The following PLOD2 variants were observed in gnomAD, a reference collection of about 807,000 sequenced individuals.
PLOD2 encodes the protein procollagen-lysine,2-oxoglutarate 5-dioxygenase 2, also known as lysine hydroxylase 2.
PLOD2 carries 65 observed loss-of-function variants against 101.0 expected under a neutral mutation model. The ratio of observed to expected loss-of-function variants is 0.64; its 90% CI spans 0.53 to 0.79. PLOD2 has a LOEUF of 0.79. Among genes scored for constraint, PLOD2 ranks in the 30% least tolerant of loss-of-function variants. PLOD2 has a pLI of 0.00. For synonymous variants in PLOD2, 314 were observed against 302.9 expected, an observed-to-expected ratio of 1.04 and a Z score of -0.38; for missense variants, 909 against 914.6, an observed-to-expected ratio of 0.99 and a Z score of 0.08.
At chr3:146,096,657 C>T (rs1175832481) in intron 7 of PLOD2, among the ~76,000 whole-genome samples, 26 of 124,376 alleles carry the variant, frequency 2.1e-4, no homozygotes, top group African/African-American at 7.4e-4. Flanking sequence ...GCAACCGCCC[C>T]GTCTGAGAAG....
rs1436424588 is a variant in PLOD2, at chr3:146,079,258, C to T, written c.1359-1G>A. 5.0e-6 allele frequency: 8 copies of T among 1,602,372 alleles called. No individual in the cohort carries two copies. Among genetic ancestry groups the T allele is most frequent in the African/African-American group, 1.3e-5 (1 of 74,786 alleles). ...CATATATGGGACATTCCATACTCCTCTGAAAGTAAAGAGAAGACATTCTTA... is the reference window on the plus strand; with the variant it reads ...CATATATGGGACATTCCATACTCCTTTGAAAGTAAAGAGAAGACATTCTTA... On this transcript the variant is annotated splice_acceptor_variant, in intron 12 of 19. Transcript: ENST00000282903. LOFTEE classifies it high-confidence loss of function.
chr3:146,132,296 T>A (rs1301715470), intron 1 of PLOD2, among the ~76,000 whole-genome samples: 2 of 152,166 alleles, frequency 1.3e-5, no homozygotes, highest in African/African-American at 4.8e-5. Context: ...TAGCAGTATG[T>A]GCAGTGGGAT....
chr3:146,103,460 A>ATT lies in PLOD2; in HGVS notation c.680-610_680-609dup, dbSNP rs754846765. Among the ~76,000 whole-genome samples, 70 of 141,626 alleles carry ATT rather than the reference A, an allele frequency of 4.9e-4. 1 individual carries two copies. The East Asian group carries it at 6.0e-3, about 12-fold the overall frequency. 92.9% of individuals were successfully genotyped at this position (141,626 alleles called of 152,430 possible). A position where few individuals can be genotyped will look rare whatever the true frequency, so the allele number is the denominator to read the frequency against. On this transcript the variant is annotated intron_variant, in intron 6 of 19. Coordinates refer to ENST00000282903, the MANE Select transcript of PLOD2 (RefSeq NM_182943.3). ...AAACTAAACATTTTGCATTGTGGGA[A>ATT]TTTTTTTTTTTTTTTTAGAGACTGG...
intron 5 of PLOD2, among the ~76,000 whole-genome samples, chr3:146,105,727 TCCAGTCCCTAC>T (rs1487168837): frequency 6.6e-6 from 1 of 152,168 alleles, no homozygotes; most frequent in Non-Finnish European, 1.5e-5. Flanking sequence ...GAACCAAGGA[TCCAGTCCCTAC>T]AATGTCACAG....
chr3:146,137,858 A>G (rs550029658), intron 1 of PLOD2, among the ~76,000 whole-genome samples: 169 of 152,264 alleles, frequency 1.1e-3, no homozygotes, highest in African/African-American at 4.0e-3. Context: ...CTGATTCTAG[A>G]TAACAGCCCT....
intron 1 of PLOD2, among the ~76,000 whole-genome samples, chr3:146,130,711 A>T (rs1368915170): frequency 1.3e-5 from 2 of 152,200 alleles, no homozygotes; most frequent in Admixed American, 6.6e-5. Context: ...CACCTAACAA[A>T]TTACTAGTAG....
chr3:146,071,021 A>G (rs1161549468), intron 19 of PLOD2, 21 bp downstream of exon 19: 1 of 1,596,162 alleles, frequency 6.3e-7, no homozygotes, highest in Admixed American at 1.7e-5. Flanking sequence ...AAAAATCTAA[A>G]AACACAAGAG....
rs769996497 is a variant in PLOD2, at chr3:146,086,863, T to C, written c.1051A>G (p.Lys351Glu). 1.3e-6 allele frequency: 2 copies of C among 1,535,784 alleles called. No homozygotes were observed. Among genetic ancestry groups the C allele is most frequent in the South Asian group, 1.2e-5 (1 of 83,298 alleles). Residue 351 changes from lysine (K) to glutamate (E), a missense_variant, in exon 10 of 20, where the codon AAG (lysine) becomes GAG (glutamate). Coordinates refer to ENST00000282903, the MANE Select transcript of PLOD2 (RefSeq NM_182943.3). ...KDIKVFFDKA[K>E]HEIKTIKIVG... ...ATTTTTATAGTTTTGATTTCATGCT[T>C]AGCTTTATCAAAAAATACCTTGATG...
At chr3:146,097,163 C>A (rs1308226510) in intron 7 of PLOD2, among the ~76,000 whole-genome samples, 2 of 150,684 alleles carry the variant, frequency 1.3e-5, no homozygotes, top group Non-Finnish European at 3.0e-5. Context: ...GCCGCCCAGT[C>A]CGGGAGGGAG....
intron 6 of PLOD2, among the ~76,000 whole-genome samples, chr3:146,103,290 A>G (rs994572780): frequency 6.6e-5 from 10 of 152,120 alleles, no homozygotes; most frequent in African/African-American, 2.2e-4. Flanking sequence ...TGAGTAGAAT[A>G]TTGTCTGGCA....
intron 1 of PLOD2, among the ~76,000 whole-genome samples, chr3:146,136,495 G>A (rs1425575732): frequency 6.6e-6 from 1 of 152,072 alleles, no homozygotes; most frequent in Non-Finnish European, 1.5e-5. Flanking sequence ...AAACATACAC[G>A]AATTTCATGT....
At chr3:146,114,529 C>T (rs977398120) in intron 3 of PLOD2, among the ~76,000 whole-genome samples, 3 of 152,094 alleles carry the variant, frequency 2.0e-5, no homozygotes, top group Non-Finnish European at 4.4e-5. Context: ...ACAAAAGTGA[C>T]CCCAGGAAAA....
intron 3 of PLOD2, among the ~76,000 whole-genome samples, chr3:146,119,580 T>C (rs562022476): frequency 2.0e-5 from 3 of 152,008 alleles, no homozygotes; most frequent in Non-Finnish European, 4.4e-5. Flanking sequence ...CTCCTAATGC[T>C]ATCCCTCCCC....
chr3:146,078,027 T>G (rs1228126340), intron 13 of PLOD2, 103 bp from the exon 14 acceptor site: 2 of 774,008 alleles, frequency 2.6e-6, no homozygotes, highest in Non-Finnish European at 4.7e-6. Flanking sequence ...AAAGCTAACA[T>G]TCTGAAATGT....
At chr3:146,149,677 CTAA>C (rs530329321) in intron 1 of PLOD2, among the ~76,000 whole-genome samples, 189 of 152,148 alleles carry the variant, frequency 1.2e-3, no homozygotes, top group African/African-American at 4.2e-3. Flanking sequence ...TTTCTTCAAC[CTAA>C]TATACTGTAC....
intron 7 of PLOD2, among the ~76,000 whole-genome samples, chr3:146,102,163 G>T (rs1937408940): frequency 1.3e-5 from 2 of 152,106 alleles, no homozygotes; most frequent in South Asian, 2.1e-4. Context: ...TTTTTTCAAT[G>T]CAATTTATGT....
intron 14 of PLOD2, 178 bp from the exon 15 acceptor site, chr3:146,077,073 T>C: frequency 7.8e-7 from 1 of 1,282,626 alleles, no homozygotes; most frequent in Non-Finnish European, 9.9e-7. Flanking sequence ...ATTTTGATTA[T>C]GAATTCAGAC....
intron 7 of PLOD2, among the ~76,000 whole-genome samples, chr3:146,094,967 G>A (rs1365237443): frequency 6.6e-6 from 1 of 152,130 alleles, no homozygotes; most frequent in African/African-American, 2.4e-5. Flanking sequence ...ACAAGCAATG[G>A]GGAAAGGATT....
intron 1 of PLOD2, among the ~76,000 whole-genome samples, chr3:146,137,210 A>G (rs188948132): frequency 2.0e-5 from 3 of 152,344 alleles, no homozygotes; most frequent in East Asian, 1.9e-4. Flanking sequence ...TAACAGGAAT[A>G]CAGCTCCATA....
Sources: allele counts gnomAD v4.1 joint callset (sites outside exome capture counted in the v4.1 genomes callset), GRCh38; gene constraint gnomAD v4.1.1; transcripts MANE v1.5; gene names NCBI Gene and HGNC (gene_info 2026-07-23, HGNC 2026-07-21).